Variants in PTPRK observed in about 807,000 individuals in gnomAD.
PTPRK encodes the protein protein tyrosine phosphatase receptor type K.
PTPRK carries 75 observed loss-of-function variants against 178.0 expected under a neutral mutation model. The ratio of observed to expected loss-of-function variants is 0.42; its 90% CI spans 0.35 to 0.51. The LOEUF (loss-of-function observed/expected upper bound fraction) is 0.51, where lower values mean the gene tolerates loss of function less well. PTPRK is among the 20% of genes least tolerant of loss of function. PTPRK has a pLI of 0.02. For synonymous variants in PTPRK, 637 were observed against 620.6 expected (o/e 1.03, Z -0.39); for missense variants, 1,441 against 1,797.8 (o/e 0.80, Z 3.59).
chr6:128,009,567 T>G (rs1003685978), intron 13 of PTPRK, among the ~76,000 whole-genome samples: 9 of 151,178 alleles, frequency 6.0e-5, no homozygotes, highest in African/African-American at 1.7e-4. Context: ...GAACATAAGG[T>G]TGTCTAGCAA....
At chr6:128,267,756 T>G (rs1006443824) in intron 3 of PTPRK, among the ~76,000 whole-genome samples, 1 of 152,072 alleles carries the variant, frequency 6.6e-6, no homozygotes, top group Non-Finnish European at 1.5e-5. Context: ...AGCTTAAATA[T>G]TCTACAAACA....
At chr6:128,470,550 A>C (rs2128418010) in intron 1 of PTPRK, among the ~76,000 whole-genome samples, 1 of 152,190 alleles carries the variant, frequency 6.6e-6, no homozygotes, top group South Asian at 2.1e-4. Context: ...AAAAACACTA[A>C]GTTCAAGTAA....
At chr6:128,176,418 A>G (rs1056481122) in intron 7 of PTPRK, among the ~76,000 whole-genome samples, 1 of 151,866 alleles carries the variant, frequency 6.6e-6, no homozygotes, top group Admixed American at 6.6e-5. Context: ...TTTAAACTCA[A>G]CTTCACTGAG....
intron 2 of PTPRK, among the ~76,000 whole-genome samples, chr6:128,371,849 C>G (rs1836340878): frequency 6.6e-6 from 1 of 151,666 alleles, no homozygotes; most frequent in South Asian, 2.1e-4. Context: ...GCACCCCAGC[C>G]CTGGTGACAG....
chr6:128,130,595 T>G (rs1227473033), intron 7 of PTPRK, among the ~76,000 whole-genome samples: 2 of 152,170 alleles, frequency 1.3e-5, no homozygotes, highest in Non-Finnish European at 2.9e-5. Context: ...AGGGTTTCAT[T>G]TAGGAAATGC....
At chr6:128,461,461 G>T (rs183605655) in intron 1 of PTPRK, among the ~76,000 whole-genome samples, 1 of 152,176 alleles carries the variant, frequency 6.6e-6, no homozygotes, top group Admixed American at 6.5e-5. Flanking sequence ...GCTTACAAAA[G>T]TTCCAGCACA....
At chr6:128,404,214 T>C (rs1841380640) in intron 1 of PTPRK, among the ~76,000 whole-genome samples, 1 of 152,208 alleles carries the variant, frequency 6.6e-6, no homozygotes, top group African/African-American at 2.4e-5. Flanking sequence ...AAATGGAGAA[T>C]GATAGTGCTA....
At chr6:128,145,553 T>A (rs2114530769) in intron 7 of PTPRK, among the ~76,000 whole-genome samples, 1 of 151,228 alleles carries the variant, frequency 6.6e-6, no homozygotes, top group Non-Finnish European at 1.5e-5. Flanking sequence ...AAAAAATAAA[T>A]ATATATAGGT....
intron 29 of PTPRK, among the ~76,000 whole-genome samples, chr6:127,971,707 G>T (rs537132171): frequency 6.6e-6 from 1 of 152,048 alleles, no homozygotes; most frequent in South Asian, 2.1e-4. Context: ...GAATGGCACA[G>T]TTTAACCATA....
chr6:128,169,783 ATGTGTGT>A (rs1376976503), intron 7 of PTPRK, among the ~76,000 whole-genome samples: 20 of 145,542 alleles, frequency 1.4e-4, no homozygotes, highest in East Asian at 6.1e-4. Context: ...TATTTTTTTA[ATGTGTGT>A]GTGTGTGTGT....
intron 13 of PTPRK, among the ~76,000 whole-genome samples, chr6:128,020,127 G>A (rs1215800995): frequency 1.3e-5 from 2 of 152,032 alleles, no homozygotes; most frequent in Non-Finnish European, 2.9e-5. Flanking sequence ...GTAATGAGCT[G>A]GTTCACATTT....
chr6:128,321,577 T>A (rs140432480), intron 3 of PTPRK: 214 of 516,498 alleles, frequency 4.1e-4, no homozygotes, highest in African/African-American at 3.5e-3. Flanking sequence ...CCCCTTAACA[T>A]AGTTCATGAA....
At chr6:128,092,263 G>C (rs571206512) in intron 7 of PTPRK, among the ~76,000 whole-genome samples, 2 of 152,190 alleles carry the variant, frequency 1.3e-5, no homozygotes, top group East Asian at 3.9e-4. Flanking sequence ...TTGAATGTAT[G>C]CTTTAAAGGG....
chr6:128,167,452 T>A (rs1201653022), intron 7 of PTPRK, among the ~76,000 whole-genome samples: 1 of 151,952 alleles, frequency 6.6e-6, no homozygotes, highest in East Asian at 1.9e-4. Flanking sequence ...GTTTTTTTCA[T>A]CTGAGATATA....
At chr6:128,235,548 TC>T in intron 5 of PTPRK, 1 of 504,352 alleles carries the variant, frequency 2.0e-6, no homozygotes, top group Non-Finnish European at 4.1e-6. Context: ...TCCTTCCTTA[TC>T]CAAGGTCGCA....
At chr6:128,113,787 A>T (rs6938199) in intron 7 of PTPRK, among the ~76,000 whole-genome samples, 13 of 152,080 alleles carry the variant, frequency 8.5e-5, no homozygotes, top group African/African-American at 3.1e-4. Flanking sequence ...GTGTACTTAA[A>T]AAACACCTCA....
At chr6:128,453,733 T>C (rs1186879783) in intron 1 of PTPRK, among the ~76,000 whole-genome samples, 1 of 152,178 alleles carries the variant, frequency 6.6e-6, no homozygotes, top group Non-Finnish European at 1.5e-5. Context: ...AATAAAACTT[T>C]GGAATTTGGG....
intron 1 of PTPRK, among the ~76,000 whole-genome samples, chr6:128,401,847 T>C (rs1841060965): frequency 6.6e-6 from 1 of 152,358 alleles, no homozygotes; most frequent in Non-Finnish European, 1.5e-5. Context: ...ACAATATCCT[T>C]AGTAAAGCTG....
intron 7 of PTPRK, among the ~76,000 whole-genome samples, chr6:128,092,079 T>C (rs2115030084): frequency 6.6e-6 from 1 of 152,332 alleles, no homozygotes; most frequent in African/African-American, 2.4e-5. Flanking sequence ...TCATTTAAAA[T>C]TGGGATAGAG....
Sources: allele counts gnomAD v4.1 joint callset (sites outside exome capture counted in the v4.1 genomes callset), GRCh38; gene constraint gnomAD v4.1.1; transcripts MANE v1.5; gene names NCBI Gene and HGNC (gene_info 2026-07-23, HGNC 2026-07-21).